ENTREP2: variants seen among roughly 807,000 people sequenced by gnomAD.
The protein encoded by ENTREP2 is protein ENTREP2.
At chr15:29,664,145 C>T in the ENTREP2 span, among the ~76,000 whole-genome samples, 1 of 152,046 alleles carries the variant, frequency 6.6e-6, no homozygotes, top group Non-Finnish European at 1.5e-5. Flanking sequence ...GTGCTATAAA[C>T]GTTAAGTGCC....
chr15:29,415,007 T>G, the ENTREP2 span, among the ~76,000 whole-genome samples: 3 of 152,224 alleles, frequency 2.0e-5, no homozygotes, highest in African/African-American at 7.2e-5. Flanking sequence ...GAGGCAATAA[T>G]TAATAGCTTA....
chr15:29,341,576 CAT>C, the ENTREP2 span, among the ~76,000 whole-genome samples: 27 of 152,222 alleles, frequency 1.8e-4, no homozygotes, highest in Non-Finnish European at 3.4e-4. Context: ...CACACGCTCA[CAT>C]GTTCCAGGTG....
chr15:29,367,585 G>A, the ENTREP2 span, among the ~76,000 whole-genome samples: 1 of 152,138 alleles, frequency 6.6e-6, no homozygotes, highest in Admixed American at 6.5e-5. Context: ...ATATATCTCT[G>A]GGAATACAGA....
chr15:29,634,326 A>G, the ENTREP2 span, among the ~76,000 whole-genome samples: 1 of 152,080 alleles, frequency 6.6e-6, no homozygotes, highest in Non-Finnish European at 1.5e-5. Context: ...CCCTCCCAGG[A>G]CAAGTGCACA....
chr15:29,219,614 A>AATAAATATAT, the ENTREP2 span, among the ~76,000 whole-genome samples: 1 of 38,402 alleles, frequency 2.6e-5, no homozygotes, highest in Non-Finnish European at 5.3e-5. Context: ...GTGGTGCATA[A>AATAAATATAT]ATATATATAT....
the ENTREP2 span, among the ~76,000 whole-genome samples, chr15:29,653,799 T>G: frequency 1.3e-5 from 2 of 152,198 alleles, no homozygotes; most frequent in African/African-American, 4.8e-5. Context: ...TATTCATGTT[T>G]TTTATTCTTG....
At chr15:29,585,051 G>T in the ENTREP2 span, among the ~76,000 whole-genome samples, 2 of 151,730 alleles carry the variant, frequency 1.3e-5, no homozygotes, top group Non-Finnish European at 2.9e-5. Flanking sequence ...GAATGATTTA[G>T]TTGTTTCTCC....
At chr15:29,508,598 A>G in the ENTREP2 span, among the ~76,000 whole-genome samples, 4 of 152,152 alleles carry the variant, frequency 2.6e-5, no homozygotes, top group African/African-American at 9.7e-5. Flanking sequence ...TTCAATATAC[A>G]CAAATCAATA....
chr15:29,568,249 G>A, the ENTREP2 span, among the ~76,000 whole-genome samples: 1 of 152,250 alleles, frequency 6.6e-6, no homozygotes, highest in Non-Finnish European at 1.5e-5. Context: ...AGGAGGGTGG[G>A]AGATGGAGGA....
the ENTREP2 span, among the ~76,000 whole-genome samples, chr15:29,650,997 CAGAT>C: frequency 1.3e-5 from 2 of 152,182 alleles, no homozygotes; most frequent in African/African-American, 4.8e-5. Context: ...GCCTGGGCAA[CAGAT>C]AGAGACCTCT....
At chr15:29,368,230 C>T in the ENTREP2 span, among the ~76,000 whole-genome samples, 2 of 151,600 alleles carry the variant, frequency 1.3e-5, no homozygotes, top group Non-Finnish European at 2.9e-5. Context: ...GAGGCTGAGG[C>T]ACGAGAACTG....
chr15:29,619,988 T>C, the ENTREP2 span, among the ~76,000 whole-genome samples: 16 of 152,066 alleles, frequency 1.1e-4, no homozygotes, highest in African/African-American at 7.3e-5. Context: ...TCCCAGTGAG[T>C]GGTTCTGTGT....
At chr15:29,560,072 G>A in the ENTREP2 span, among the ~76,000 whole-genome samples, 1 of 152,208 alleles carries the variant, frequency 6.6e-6, no homozygotes, top group Non-Finnish European at 1.5e-5. Context: ...GAGCAGAAGT[G>A]GAGAAGCCAC....
chr15:29,585,487 A>G, the ENTREP2 span, among the ~76,000 whole-genome samples: 10 of 152,346 alleles, frequency 6.6e-5, no homozygotes, highest in South Asian at 2.1e-3. Flanking sequence ...ATCATAATCA[A>G]AACTATGGAC....
At chr15:29,531,334 A>G in the ENTREP2 span, among the ~76,000 whole-genome samples, 2 of 152,180 alleles carry the variant, frequency 1.3e-5, no homozygotes, top group African/African-American at 4.8e-5. Flanking sequence ...CAGACTTTCA[A>G]ACTAGCCATC....
chr15:29,126,371 T>G, the ENTREP2 span: 3 of 1,543,064 alleles, frequency 1.9e-6, no homozygotes, highest in Non-Finnish European at 2.6e-6. Context: ...TGGAGACACA[T>G]GGCCAGGGGG....
the ENTREP2 span, among the ~76,000 whole-genome samples, chr15:29,666,612 A>T: frequency 6.6e-6 from 1 of 152,110 alleles, no homozygotes; most frequent in Non-Finnish European, 1.5e-5. Flanking sequence ...TGAAGTCCTC[A>T]CCGTGCCTGC....
the ENTREP2 span, among the ~76,000 whole-genome samples, chr15:29,372,150 T>C: frequency 0.014 from 2,134 of 152,266 alleles, 63 homozygotes; most frequent in African/African-American, 0.049. Context: ...TTGGACTGCA[T>C]AGGTCCACTT....
chr15:29,660,486 T>C, the ENTREP2 span, among the ~76,000 whole-genome samples: 1 of 152,186 alleles, frequency 6.6e-6, no homozygotes, highest in African/African-American at 2.4e-5. Context: ...TTTTTCTTTA[T>C]AAATTACTGA....
Sources: allele counts gnomAD v4.1 joint callset (sites outside exome capture counted in the v4.1 genomes callset), GRCh38; gene constraint gnomAD v4.1.1; transcripts MANE v1.5; gene names NCBI Gene and HGNC (gene_info 2026-07-23, HGNC 2026-07-21).